PPP2R3C: variants seen among roughly 807,000 people sequenced by gnomAD.
PPP2R3C encodes protein phosphatase 2 regulatory subunit B''gamma, also known as serine/threonine-protein phosphatase 2A regulatory subunit B'' subunit gamma.
PPP2R3C carries 47 observed loss-of-function variants against 63.7 expected under a neutral mutation model. The observed-to-expected ratio is 0.74, with a 90% CI of 0.58 to 0.94. The LOEUF (loss-of-function observed/expected upper bound fraction) is 0.94. Ranked by LOEUF, PPP2R3C falls within the 40% of genes least tolerant of loss-of-function variation. The pLI is 0.00. For missense variants in PPP2R3C, 421 were observed against 518.4 expected, an observed-to-expected ratio of 0.81 and a Z score of 1.82; for synonymous variants, 180 against 177.4, an observed-to-expected ratio of 1.01 and a Z score of -0.12.
In PPP2R3C at chr14:35,095,055, C is replaced by T. The variant is rs1390202256; in HGVS notation, c.968G>A (p.Gly323Glu). ...RVFQECLTYD[G>E]EMDYKTYLDF... ...GCAGATTTAAACTACTACCATTTCT[C>T]CATCATAAGTGAGACACTCCTGGAA... The change falls in exon 10 of 13, where the codon GGA becomes GAA. Residue 323 changes from glycine (G) to glutamate (E), a missense_variant. Coordinates refer to ENST00000261475, the MANE Select transcript of PPP2R3C (RefSeq NM_017917.4). The T allele has an allele frequency of 1.2e-6, 2 of 1,605,460 alleles. No homozygotes were observed. Among genetic ancestry groups the T allele is most frequent in the Admixed American group, 3.3e-5 (2 of 59,894 alleles).
chr14:35,107,155 A>G, intron 6 of PPP2R3C, 149 bp downstream of exon 6: 1 of 507,326 alleles, frequency 2.0e-6, no homozygotes, highest in Non-Finnish European at 3.4e-6. Context: ...TGTTACAGTA[A>G]AACTAAATAT....
intron 7 of PPP2R3C, among the ~76,000 whole-genome samples, chr14:35,097,919 G>A (rs188379349): frequency 6.6e-6 from 1 of 152,188 alleles, no homozygotes; most frequent in African/African-American, 2.4e-5. Flanking sequence ...GCCCAGATTG[G>A]AGTTTGAATG....
At chr14:35,086,137 T>C (rs1405288936) in intron 12 of PPP2R3C, 1 of 169,304 alleles carries the variant, frequency 5.9e-6, no homozygotes, top group East Asian at 1.7e-4. Context: ...TAGTTTCTTA[T>C]ATATTTTTCT....
At chr14:35,121,384 A>C (rs2046885101) in intron 1 of PPP2R3C, among the ~76,000 whole-genome samples, 1 of 151,614 alleles carries the variant, frequency 6.6e-6, no homozygotes, top group African/African-American at 2.4e-5. Flanking sequence ...CTCCGTCTCA[A>C]AAAAAAAAGT....
intron 2 of PPP2R3C, among the ~76,000 whole-genome samples, chr14:35,116,077 C>G (rs2046702453): frequency 6.6e-6 from 1 of 152,248 alleles, no homozygotes; most frequent in African/African-American, 2.4e-5. Flanking sequence ...AAAAAGCCCA[C>G]AGTTTAACAA....
chr14:35,114,728 C>T, intron 2 of PPP2R3C, among the ~76,000 whole-genome samples: 1 of 151,912 alleles, frequency 6.6e-6, no homozygotes, highest in East Asian at 1.9e-4. Context: ...CATGGTGGCT[C>T]ACGCCTGTAA....
At chr14:35,102,114 C>A (rs994040564) in intron 6 of PPP2R3C, 12 of 151,402 alleles carry the variant, frequency 7.9e-5, no homozygotes, top group African/African-American at 2.9e-4. Flanking sequence ...GAAACCTCCA[C>A]CTCTTGGGTT....
intron 7 of PPP2R3C, among the ~76,000 whole-genome samples, chr14:35,097,955 A>G (rs539936250): frequency 9.9e-5 from 15 of 152,244 alleles, no homozygotes; most frequent in Admixed American, 8.5e-4. Flanking sequence ...TAACCTAGCA[A>G]AGTCTCAGTT....
rs147717349 is a variant in PPP2R3C, at chr14:35,099,355, G to T, written c.603C>A (p.Ile201=). 5.0e-6 allele frequency: 8 copies of T among 1,601,788 alleles called. No individual in the cohort carries two copies. Among genetic ancestry groups the T allele is most frequent in the Admixed American group, 3.6e-5 (2 of 55,932 alleles). Residue 201 remains isoleucine, a synonymous_variant, in exon 7 of 13, where the codon ATC becomes ATA. Coordinates refer to ENST00000261475, the MANE Select transcript of PPP2R3C (RefSeq NM_017917.4). ...GACCATCTAATTGTGGCAACGTAGGGATAAGTTCCAATATGTAGTTTTCTA... is the reference window on the plus strand; with the variant it reads ...GACCATCTAATTGTGGCAACGTAGGTATAAGTTCCAATATGTAGTTTTCTA... ...SDLENYILEL[I]PTLPQLDGLE...
chr14:35,097,560 G>A (rs1482576129), intron 7 of PPP2R3C, among the ~76,000 whole-genome samples: 2 of 148,932 alleles, frequency 1.3e-5, no homozygotes, highest in Non-Finnish European at 3.0e-5. Context: ...TCAGCTCACT[G>A]CAATCTCTGC....
intron 2 of PPP2R3C, among the ~76,000 whole-genome samples, chr14:35,115,167 CT>C (rs1201457543): frequency 2.0e-3 from 266 of 132,126 alleles, no homozygotes; most frequent in Middle Eastern, 4.0e-3. Context: ...TTTTCTTTTT[CT>C]TTTTTTTTTT....
At position 35,085,628 on chromosome 14, in the gene PPP2R3C, T is replaced by C; in HGVS notation, c.1324A>G (p.Asn442Asp). 2 of 1,612,728 alleles carry C rather than the reference T, an allele frequency of 1.2e-6. No individual in the cohort carries two copies. The highest frequency in any genetic ancestry group is 1.7e-6 in the Non-Finnish European group (2 of 1,179,642). Residue 442 changes from asparagine (N) to aspartate (D), a missense_variant, in exon 13 of 13, where the codon AAT becomes GAT. Asn to Asp is a conservative substitution (Grantham distance 23). Coordinates refer to ENST00000261475, the MANE Select transcript of PPP2R3C (RefSeq NM_017917.4). ...TYENREALVA[N>D]DSENSADLDD... is the part of the protein sequence containing the mutation. ...AGGTCTGCAGAGTTTTCACTGTCAT[T>C]TGCAACAAGAGCCTCTCTGTTCTCG... is the stretch of plus-strand genomic sequence containing the variant.
At chr14:35,087,159 TAGA>T (rs2045630740) in intron 12 of PPP2R3C, 1 of 152,180 alleles carries the variant, frequency 6.6e-6, no homozygotes, top group South Asian at 2.1e-4. Context: ...CTGGAACATA[TAGA>T]AGACCTCCTT....
intron 6 of PPP2R3C, among the ~76,000 whole-genome samples, chr14:35,106,663 ATTT>A (rs35661935): frequency 0.086 from 8,625 of 100,448 alleles, 361 homozygotes; most frequent in Non-Finnish European, 0.12. Context: ...CAGCCAATAC[ATTT>A]TTTTTTTTTT....
At chr14:35,101,332 T>C (rs1238979807) in intron 6 of PPP2R3C, 1 of 152,210 alleles carries the variant, frequency 6.6e-6, no homozygotes, top group Non-Finnish European at 1.5e-5. Flanking sequence ...ATGGTTCCTG[T>C]GGTAAAGTAC....
chr14:35,095,686 C>CAA (rs111255611), intron 9 of PPP2R3C, among the ~76,000 whole-genome samples: 9,476 of 133,012 alleles, frequency 0.071, 403 homozygotes, highest in Non-Finnish European at 0.11. Flanking sequence ...AAAAAAAAAA[C>CAA]AAAAAAAAAA....
In PPP2R3C at chr14:35,085,700, C is replaced by G. The variant is rs2045569521; in HGVS notation, c.1252G>C (p.Asp418His). Residue 418 changes from aspartate (D) to histidine (H), a missense_variant, in exon 13 of 13, where the codon GAC (aspartate) becomes CAC (histidine). Coordinates refer to ENST00000261475, the MANE Select transcript of PPP2R3C (RefSeq NM_017917.4). ...LQDLINSNQG[D>H]TVTTILIDLN... ...TCGATTAGAATGGTGGTTACTGTGTCTCCTTGATTACTGTTGATTAAATCC... is the reference window on the plus strand; with the variant it reads ...TCGATTAGAATGGTGGTTACTGTGTGTCCTTGATTACTGTTGATTAAATCC... 3 of 1,612,248 alleles carry G rather than the reference C, an allele frequency of 1.9e-6. No homozygotes were observed. In the Admixed American group the frequency reaches 5.0e-5, roughly 27 times the overall value.
intron 3 of PPP2R3C, 91 bp from the exon 4 acceptor site, chr14:35,110,022 AGTTT>A (rs144725443): frequency 0.087 from 79,671 of 920,392 alleles, 4,172 homozygotes; most frequent in Middle Eastern, 0.11. Flanking sequence ...CTAAAATGAG[AGTTT>A]GTTGGCAGAG....
intron 1 of PPP2R3C, among the ~76,000 whole-genome samples, chr14:35,117,391 T>C (rs2046740027): frequency 1.3e-5 from 2 of 152,240 alleles, no homozygotes; most frequent in Admixed American, 6.5e-5. Flanking sequence ...TGGGTGACCA[T>C]GGGTCCTGCA....
Sources: gnomAD v4.1 joint callset for allele counts (sites outside exome capture counted in the v4.1 genomes callset) on GRCh38, gnomAD v4.1.1 for gene constraint, MANE v1.5 for transcripts, NCBI Gene and HGNC (gene_info 2026-07-23, HGNC 2026-07-21) for gene names.